Variants in RASAL1 observed in about 807,000 individuals in gnomAD.
The protein encoded by RASAL1 is RAS protein activator like 1.
In RASAL1, 72 loss-of-function variants were observed where a neutral mutation model predicts 96.6. That is an observed-to-expected ratio of 0.75 (90% CI 0.62 to 0.91). RASAL1 has a LOEUF of 0.91. Among genes scored for constraint, RASAL1 ranks in the 40% least tolerant of loss-of-function variants. The pLI, the probability that RASAL1 is intolerant of heterozygous loss-of-function variation, is 0.00. For synonymous variants in RASAL1, 405 were observed against 430.4 expected (o/e 0.94, Z 0.73); for missense variants, 1,016 against 1,072.5 (o/e 0.95, Z 0.74).
At chr12:113,133,988 G>C (rs1197217410) in intron 1 of RASAL1, among the ~76,000 whole-genome samples, 2 of 152,212 alleles carry the variant, frequency 1.3e-5, no homozygotes, top group Non-Finnish European at 2.9e-5. Context: ...CCCAGGGCTG[G>C]TGGAGGGGCC....
Position 113,099,920 on chromosome 12 carries a change from G to A in RASAL1, c.*9C>T. The A allele has an allele frequency of 1.2e-6, 2 of 1,607,968 alleles. No individual in the cohort carries two copies. The highest frequency in any genetic ancestry group is 2.2e-5 in the South Asian group (2 of 90,736). On this transcript the variant is annotated 3_prime_UTR_variant, in exon 21 of 21. Transcript: ENST00000548055. Reference sequence around the variant, plus strand: ...TTGCTCCTCCTTCCGGGCTAGCTCTGGCATTTCCTTAGGGGCCAAGGGGGC... The same window carrying A: ...TTGCTCCTCCTTCCGGGCTAGCTCTAGCATTTCCTTAGGGGCCAAGGGGGC...
At position 113,121,728 on chromosome 12, in the gene RASAL1, T is replaced by C. The variant is rs142526299; in HGVS notation, c.299-90A>G. 1,699 of 1,088,520 alleles carry C rather than the reference T, an allele frequency of 1.6e-3. 11 individuals are homozygous for C. In the African/African-American group the frequency reaches 0.022, roughly 14 times the overall value. The allele number at this position is 1,088,520 out of a possible 1,614,324, so 67.4% of individuals were successfully genotyped here. ...AAAATTCAATTAACATTATTTTCAT[T>C]TTTTTTTTTTTGACACAGGGTCTGG... On this transcript the variant is annotated intron_variant, in intron 4 of 20. Transcript: ENST00000548055.
chr12:113,130,959 T>C lies in RASAL1; in HGVS notation c.66-18A>G. 1 of 1,610,236 alleles carries C rather than the reference T, an allele frequency of 6.2e-7. No homozygotes were observed. Among genetic ancestry groups the C allele is most frequent in the South Asian group, 1.1e-5 (1 of 90,706 alleles). ...TCCCAGACCTGCAGAAGGAGGGAGTTCAGGGAGGAAGCAGGTTGAGAGGGC... is the reference window on the plus strand; with the variant it reads ...TCCCAGACCTGCAGAAGGAGGGAGTCCAGGGAGGAAGCAGGTTGAGAGGGC... On this transcript the variant is annotated intron_variant, in intron 1 of 20. Coordinates refer to ENST00000548055, the MANE Select transcript of RASAL1 (RefSeq NM_001301202.2). This position sits in a 1 kb window ranked among gnomAD's most constrained non-coding sequence, Gnocchi z 5.1.
Position 113,115,824 on chromosome 12 carries a change from C to G in RASAL1, c.850-36G>C. Reference sequence around the variant, plus strand: ...GCGGGAGACAAAGATGACCTCGGCCCCTGGGACCCCAAAGCAGATGGGCCT... The same window carrying G: ...GCGGGAGACAAAGATGACCTCGGCCGCTGGGACCCCAAAGCAGATGGGCCT... On this transcript the variant is annotated intron_variant, in intron 9 of 20. Transcript: ENST00000548055. The surrounding 1 kb of genome is among the most constrained non-coding windows in gnomAD (Gnocchi z 4.1). 1 of 1,612,050 alleles carries G rather than the reference C, an allele frequency of 6.2e-7. No individual in the cohort carries two copies. The highest frequency in any genetic ancestry group is 8.5e-7 in the Non-Finnish European group (1 of 1,178,850).
intron 8 of RASAL1, among the ~76,000 whole-genome samples, chr12:113,116,350 ACT>A (rs1951084054): frequency 1.3e-5 from 2 of 151,482 alleles, no homozygotes; most frequent in African/African-American, 4.9e-5. Flanking sequence ...ACAGAGCGAT[ACT>A]CTGTCTAAAA....
chr12:113,102,170 C>G (rs149779001), intron 18 of RASAL1, among the ~76,000 whole-genome samples, 161 bp from the exon 19 acceptor site: 2,220 of 152,078 alleles, frequency 0.015, 43 homozygotes, highest in African/African-American at 0.05. Flanking sequence ...AATCTCAGCA[C>G]TTTTGGAGGC....
chr12:113,107,778 T>A (rs145610587), intron 14 of RASAL1, among the ~76,000 whole-genome samples: 5 of 152,190 alleles, frequency 3.3e-5, no homozygotes, highest in African/African-American at 1.2e-4. Context: ...ACCATGGTAC[T>A]CTCATGCAGA....
chr12:113,101,916 T>A lies in RASAL1; in HGVS notation c.2198A>T (p.Gln733Leu). 2 of 1,614,060 alleles carry A rather than the reference T, an allele frequency of 1.2e-6. No homozygotes were observed. The highest frequency in any genetic ancestry group is 1.7e-6 in the Non-Finnish European group (2 of 1,179,978). The change falls in exon 19 of 21, where the codon CAG becomes CTG. Residue 733 changes from glutamine (Q) to leucine (L), a missense_variant. Transcript: ENST00000548055. ...GAGCTGGTCCCGCCCCAGGAGCAGC[T>A]GCCGATACACTGTCTGGGCCTCAGC... is the stretch of plus-strand genomic sequence containing the variant. ...PDAEAQTVYR[Q>L]LLLGRDQLRL...
At chr12:113,128,020 G>A (rs1355061923) in intron 3 of RASAL1, 45 bp downstream of exon 3, 1 of 1,595,958 alleles carries the variant, frequency 6.3e-7, no homozygotes, top group South Asian at 1.1e-5. Flanking sequence ...AGGTGCCCAG[G>A]CTTGGGTCCC....
intron 1 of RASAL1, among the ~76,000 whole-genome samples, chr12:113,134,500 G>A (rs1007422661): frequency 5.3e-5 from 8 of 152,182 alleles, no homozygotes; most frequent in Non-Finnish European, 7.4e-5. Flanking sequence ...TGGGGACTCC[G>A]GTCCAGAGCT....
At chr12:113,117,474 C>G (rs1224111485) in intron 7 of RASAL1, among the ~76,000 whole-genome samples, 1 of 152,214 alleles carries the variant, frequency 6.6e-6, no homozygotes, top group Non-Finnish European at 1.5e-5. Flanking sequence ...ATTTTCAGCT[C>G]TGTTTAGGGA....
chr12:113,121,113 C>T (rs1951279038), intron 5 of RASAL1, among the ~76,000 whole-genome samples: 1 of 152,228 alleles, frequency 6.6e-6, no homozygotes, highest in Non-Finnish European at 1.5e-5. Flanking sequence ...AGCTAAAAGA[C>T]AGATTCCTAA....
rs892167941 is a variant in RASAL1 at position 113,107,258 on chromosome 12, A to T, written c.1513-17T>A. On this transcript the variant is annotated splice_polypyrimidine_tract_variant and intron_variant, in intron 14 of 20. Transcript: ENST00000548055. ...CTGCACAGCCTGGAGCAAAGAAGCG[A>T]GGGATGCCGGGGCCAAGGTCACAGC... 6.3e-7 allele frequency: 1 copy of T among 1,577,248 alleles called. No homozygotes were observed. Among genetic ancestry groups the T allele is most frequent in the Non-Finnish European group, 8.6e-7 (1 of 1,160,574 alleles).
rs139329607 is a variant in RASAL1 at position 113,128,143 on chromosome 12, C to A, written c.158G>T (p.Trp53Leu). 94 of 1,613,734 alleles carry A rather than the reference C, an allele frequency of 5.8e-5. No homozygotes were observed. The East Asian group carries it at 6.2e-4, about 11-fold the overall frequency. Reference protein sequence around the residue: ...ATVWRSLGPFWGEEYTVHLPL... With the variant: ...ATVWRSLGPFLGEEYTVHLPL... Reference sequence around the variant, plus strand: ...CAGGTGCACCGTGTACTCCTCCCCCCAGAAGGGGCCCAGGCTCCTCCAGAC... The same window carrying A: ...CAGGTGCACCGTGTACTCCTCCCCCAAGAAGGGGCCCAGGCTCCTCCAGAC... The change falls in exon 3 of 21, where the codon TGG (tryptophan) becomes TTG (leucine). Residue 53 changes from tryptophan (W) to leucine (L), a missense_variant. Transcript: ENST00000548055.
At chr12:113,100,989 G>T (rs192828718) in intron 19 of RASAL1, among the ~76,000 whole-genome samples, 1 of 152,330 alleles carries the variant, frequency 6.6e-6, no homozygotes, top group Admixed American at 6.5e-5. Context: ...CACAGCATCA[G>T]CAGCAGCATC....
Position 113,105,825 on chromosome 12 carries a change from C to T in RASAL1, c.1719G>A (p.Leu573=). 2 of 1,614,170 alleles carry T rather than the reference C, an allele frequency of 1.2e-6. No individual in the cohort carries two copies. Among genetic ancestry groups the T allele is most frequent in the Non-Finnish European group, 1.7e-6 (2 of 1,180,030 alleles). ...PPSAIVREGY[L]LKRKEEPAGL... ...CGGCAGGCTCCTCCTTGCGCTTCAGCAGATAGCCTTCTCGAACAATGGCCG... is the reference window on the plus strand; with the variant it reads ...CGGCAGGCTCCTCCTTGCGCTTCAGTAGATAGCCTTCTCGAACAATGGCCG... Residue 573 remains leucine (L), a synonymous_variant, in exon 16 of 21, where the codon CTG becomes CTA. Coordinates refer to ENST00000548055, the MANE Select transcript of RASAL1 (RefSeq NM_001301202.2).
rs1951809026 is a variant in RASAL1, at chr12:113,133,829, C to T, written c.65+1569G>A. On this transcript the variant is annotated intron_variant, in intron 1 of 20. Transcript: ENST00000548055. ...CTAGGGCATGACCTATTTCATAGCTCACTGGCCCAGGAATTGGGGGCAGGA... is the reference window on the plus strand; with the variant it reads ...CTAGGGCATGACCTATTTCATAGCTTACTGGCCCAGGAATTGGGGGCAGGA... Among the ~76,000 whole-genome samples the T allele has an allele frequency of 3.3e-5, 5 of 152,210 alleles. No individual in the cohort carries two copies. The South Asian group carries it at 1.0e-3, about 32-fold the overall frequency.
chr12:113,136,189 G>C (rs1951908885), upstream of RASAL1: 1 of 152,226 alleles, frequency 6.6e-6, no homozygotes, highest in East Asian at 1.9e-4. Context: ...AGAGTCAAGG[G>C]AGGGGCCTTG....
Position 113,130,777 on chromosome 12 carries a change from C to A in RASAL1, c.122+108G>T, listed in dbSNP as rs151129597. 159 of 887,572 alleles carry A rather than the reference C, an allele frequency of 1.8e-4. 3 individuals carry two copies. In the African/African-American group the frequency reaches 2.3e-3, roughly 13 times the overall value. 55.0% of individuals were successfully genotyped at this position (887,572 alleles called of 1,614,324 possible). On this transcript the variant is annotated intron_variant, in intron 2 of 20. Transcript: ENST00000548055. The surrounding 1 kb of genome is among the most constrained non-coding windows in gnomAD (Gnocchi z 5.1). The stretch of plus-strand genomic sequence containing the variant: ...ATCACCCACCTGCAGGCCCGCGAGT[C>A]CCCCTCAGGGTAAGCACTCCTTTAA...
Sources: gnomAD v4.1 joint callset for allele counts (sites outside exome capture counted in the v4.1 genomes callset) on GRCh38, gnomAD v4.1.1 for gene constraint, Gnocchi (gnomAD v3.1) non-coding constraint, MANE v1.5 for transcripts, NCBI Gene and HGNC (gene_info 2026-07-23, HGNC 2026-07-21) for gene names.